GLIS3: variants seen among roughly 807,000 people sequenced by gnomAD.
GLIS3 encodes zinc finger protein GLIS3.
GLIS3 carries 53 observed loss-of-function variants against 78.6 expected under a neutral mutation model. The observed-to-expected ratio is 0.67, with a 90% confidence interval of 0.54 to 0.85. The LOEUF (loss-of-function observed/expected upper bound fraction) is 0.85. GLIS3 is among the 40% of genes least tolerant of loss of function. GLIS3 has a pLI of 0.00. For missense variants in GLIS3, 1,703 were observed against 1,231.1 expected, an observed-to-expected ratio of 1.38 and a Z score of -5.74; for synonymous variants, 684 against 509.9, an observed-to-expected ratio of 1.34 and a Z score of -4.60.
At chr9:4,461,367 G>A in the GLIS3 span, among the ~76,000 whole-genome samples, 1 of 126,740 alleles carries the variant, frequency 7.9e-6, no homozygotes, top group Admixed American at 7.9e-5. Context: ...TGCACTTAAA[G>A]AACCAATTCT....
chr9:3,994,996 C>G (rs544427782), intron 4 of GLIS3, among the ~76,000 whole-genome samples: 116 of 152,264 alleles, frequency 7.6e-4, no homozygotes, highest in Admixed American at 9.8e-4. Flanking sequence ...AGCTTGGCTT[C>G]TAAGGGGCCA....
At chr9:3,916,936 A>G (rs1262733965) in intron 6 of GLIS3, among the ~76,000 whole-genome samples, 1 of 152,218 alleles carries the variant, frequency 6.6e-6, no homozygotes, top group Non-Finnish European at 1.5e-5. Context: ...CAGCACAGGG[A>G]GTCTAAAGAT....
intron 6 of GLIS3, among the ~76,000 whole-genome samples, chr9:3,916,856 C>G (rs573137830): frequency 6.6e-6 from 1 of 152,050 alleles, no homozygotes; most frequent in Admixed American, 6.6e-5. Flanking sequence ...AAAGCAGGTA[C>G]AAATTTTTAA....
chr9:4,346,400 C>CT (rs1817897383), intron 2 of GLIS3, among the ~76,000 whole-genome samples: 1 of 151,156 alleles, frequency 6.6e-6, no homozygotes. Context: ...ACTGCCCTGC[C>CT]CTGAAGCATT....
intron 2 of GLIS3, among the ~76,000 whole-genome samples, chr9:4,141,465 C>A (rs1833809152): frequency 6.6e-6 from 1 of 152,186 alleles, no homozygotes; most frequent in East Asian, 1.9e-4. Flanking sequence ...CAGCAGTAAC[C>A]TGAAGAACCA....
chr9:4,250,194 G>T (rs1234743991), intron 2 of GLIS3, among the ~76,000 whole-genome samples: 1 of 152,188 alleles, frequency 6.6e-6, no homozygotes, highest in Non-Finnish European at 1.5e-5. Flanking sequence ...AGAAGGAATG[G>T]TACCAGCACT....
At chr9:4,046,514 C>A (rs1247220168) in intron 4 of GLIS3, among the ~76,000 whole-genome samples, 2 of 152,140 alleles carry the variant, frequency 1.3e-5, no homozygotes, top group East Asian at 3.8e-4. Context: ...CTGTGTTCAT[C>A]AACAGAAAAC....
chr9:4,380,459 G>A, the GLIS3 span, among the ~76,000 whole-genome samples: 1 of 152,142 alleles, frequency 6.6e-6, no homozygotes, highest in Non-Finnish European at 1.5e-5. Context: ...ATTTTCAAAA[G>A]CACCAAAGAA....
chr9:3,843,604 T>C (rs759155341), intron 9 of GLIS3, among the ~76,000 whole-genome samples: 14 of 152,234 alleles, frequency 9.2e-5, no homozygotes, highest in Non-Finnish European at 1.3e-4. Context: ...AATTTCTGTA[T>C]ACCCATAGTT....
chr9:4,320,496 C>T (rs1193859422), intron 2 of GLIS3, among the ~76,000 whole-genome samples: 2 of 152,186 alleles, frequency 1.3e-5, no homozygotes, highest in South Asian at 2.1e-4. Context: ...TCTGTCAATA[C>T]ATCTATCAAA....
intron 4 of GLIS3, chr9:4,036,031 G>A (rs2130316216): frequency 6.6e-6 from 1 of 152,340 alleles, no homozygotes. Flanking sequence ...AGTTTACTCT[G>A]TAGGTTTCAG....
chr9:3,902,075 T>A (rs1373849), intron 6 of GLIS3, among the ~76,000 whole-genome samples: 1 of 152,050 alleles, frequency 6.6e-6, no homozygotes, highest in East Asian at 1.9e-4. Flanking sequence ...TAGGGTTACT[T>A]CTGGCATCAA....
the GLIS3 span, among the ~76,000 whole-genome samples, chr9:4,379,703 G>T: frequency 6.6e-6 from 1 of 152,174 alleles, no homozygotes; most frequent in African/African-American, 2.4e-5. Context: ...TTTGCAGTCA[G>T]CACCACTCAG....
intron 2 of GLIS3, among the ~76,000 whole-genome samples, chr9:4,182,109 A>G (rs1054142600): frequency 4.6e-5 from 7 of 152,240 alleles, no homozygotes; most frequent in Non-Finnish European, 1.0e-4. Flanking sequence ...GAAGACAAGC[A>G]AAGAATAAAA....
chr9:3,860,667 G>T (rs1385628161), intron 8 of GLIS3, among the ~76,000 whole-genome samples: 1 of 152,186 alleles, frequency 6.6e-6, no homozygotes, highest in Non-Finnish European at 1.5e-5. Flanking sequence ...CCTGGGCTTG[G>T]ATGCTGGGTC....
At chr9:3,847,817 T>C (rs567330447) in intron 9 of GLIS3, among the ~76,000 whole-genome samples, 231 of 152,328 alleles carry the variant, frequency 1.5e-3, no homozygotes, top group African/African-American at 5.4e-3. Flanking sequence ...TGGGGTAATT[T>C]TGTAGTAATT....
intron 2 of GLIS3, among the ~76,000 whole-genome samples, chr9:4,243,943 T>C (rs1823564281): frequency 6.6e-6 from 1 of 152,254 alleles, no homozygotes; most frequent in South Asian, 2.1e-4. Context: ...TTCCACTTTT[T>C]TGTATTACAA....
In GLIS3 at chr9:3,824,724, A is replaced by C. The variant is rs1817633971; in HGVS notation, c.*3548T>G. The C allele has an allele frequency of 1.3e-5, 2 of 152,580 alleles. No homozygotes were observed. The highest frequency in any genetic ancestry group is 4.8e-5 in the African/African-American group (2 of 41,438). The allele number at this position is 152,580 out of a possible 1,614,324, so 9.5% of individuals were successfully genotyped here. A position where few individuals can be genotyped will look rare whatever the true frequency, so the allele number is the denominator to read the frequency against. ...ATATCCAGTATGATATATGCAGTTC[A>C]TTTCTCTACGTGAGTGTATATAACT... is the stretch of plus-strand genomic sequence containing the variant. On this transcript the variant is annotated 3_prime_UTR_variant, in exon 11 of 11. Coordinates refer to ENST00000381971, the MANE Select transcript of GLIS3 (RefSeq NM_001042413.2).
chr9:4,107,031 G>C (rs887184445), intron 4 of GLIS3, among the ~76,000 whole-genome samples: 13 of 152,018 alleles, frequency 8.6e-5, no homozygotes, highest in Non-Finnish European at 1.6e-4. Flanking sequence ...AAAAATGGTT[G>C]GGCTGGGAAA....
Sources: allele counts gnomAD v4.1 joint callset (sites outside exome capture counted in the v4.1 genomes callset), GRCh38; gene constraint gnomAD v4.1.1; transcripts MANE v1.5; gene names NCBI Gene and HGNC (gene_info 2026-07-23, HGNC 2026-07-21).